Variants in LYRM4 observed in about 807,000 individuals in gnomAD.
The protein encoded by LYRM4 is LYR motif containing 4, also known as LYR motif-containing protein 4.
In LYRM4, 9 loss-of-function variants were observed where a neutral mutation model predicts 11.7. The ratio of observed to expected loss-of-function variants is 0.77; its 90% CI spans 0.46 to 1.34. LYRM4 has a LOEUF of 1.34. Among genes scored for constraint, LYRM4 ranks in the 40% most tolerant of loss-of-function variants. LYRM4 has a pLI of 0.00. For synonymous variants in LYRM4, 42 were observed against 40.4 expected, an observed-to-expected ratio of 1.04 and a Z score of -0.15; for missense variants, 133 against 112.5, an observed-to-expected ratio of 1.18 and a Z score of -0.82.
At chr6:5,118,079 A>AATATAT (rs113661997) in intron 2 of LYRM4, among the ~76,000 whole-genome samples, 1 of 40,362 alleles carries the variant, frequency 2.5e-5, no homozygotes, top group African/African-American at 7.4e-5. Context: ...TCACCAAAAC[A>AATATAT]ATATATATAT....
chr6:5,163,701 C>T (rs1758904733), intron 2 of LYRM4, among the ~76,000 whole-genome samples: 1 of 151,154 alleles, frequency 6.6e-6, no homozygotes, highest in South Asian at 2.1e-4. Context: ...GCAACTTCTG[C>T]CTCCTGGGTT....
At chr6:5,254,920 G>A (rs759808734) in intron 1 of LYRM4, among the ~76,000 whole-genome samples, 2 of 152,012 alleles carry the variant, frequency 1.3e-5, no homozygotes, top group Non-Finnish European at 2.9e-5. Context: ...TCTACTCACG[G>A]CAGCAATTTA....
intron 2 of LYRM4, among the ~76,000 whole-genome samples, chr6:5,178,676 G>A (rs1759865330): frequency 1.3e-5 from 2 of 150,978 alleles, no homozygotes; most frequent in South Asian, 2.1e-4. Context: ...AGCCGGGCCT[G>A]CACCTGTAAT....
At chr6:5,090,039 C>CACACACACCA in the LYRM4 span, among the ~76,000 whole-genome samples, 1 of 136,336 alleles carries the variant, frequency 7.3e-6, no homozygotes, top group East Asian at 2.3e-4. This position sits in a 1 kb window ranked among gnomAD's most constrained non-coding sequence, Gnocchi z 4.8. Flanking sequence ...CACACACACA[C>CACACACACCA]ACCACACACA....
intron 2 of LYRM4, among the ~76,000 whole-genome samples, chr6:5,160,451 G>A (rs1042307035): frequency 2.0e-5 from 3 of 151,862 alleles, no homozygotes; most frequent in Non-Finnish European, 2.9e-5. Flanking sequence ...CATGGGGGCG[G>A]GTCTTTTCCG....
rs933655719 is a variant in LYRM4, at chr6:5,228,692, A to G, written c.87-11954T>C. On this transcript the variant is annotated intron_variant, in intron 1 of 2. Coordinates refer to ENST00000330636, the MANE Select transcript of LYRM4 (RefSeq NM_020408.6). ...AAATATCTTTGTTAATAATACTAGC[A>G]AAGTTTAATAATTAAGAATATTTCC... is the stretch of plus-strand genomic sequence containing the variant. Among the ~76,000 whole-genome samples the G allele has an allele frequency of 2.0e-5, 3 of 152,276 alleles. No homozygotes were observed. The South Asian group carries it at 6.2e-4, about 32-fold the overall frequency.
At chr6:5,059,078 T>C in the LYRM4 span, among the ~76,000 whole-genome samples, 1 of 152,156 alleles carries the variant, frequency 6.6e-6, no homozygotes, top group African/African-American at 2.4e-5. Context: ...TGGTGGCTCA[T>C]GTCTGTAATC....
intron 1 of LYRM4, among the ~76,000 whole-genome samples, chr6:5,230,622 T>C (rs2773292): frequency 0.73 from 111,429 of 152,178 alleles, 41,041 homozygotes; most frequent in East Asian, 0.84. Flanking sequence ...TAACTACCTA[T>C]GGTAGATCAA....
chr6:5,182,897 A>C (rs1760160001), intron 2 of LYRM4, among the ~76,000 whole-genome samples: 2 of 152,222 alleles, frequency 1.3e-5, no homozygotes, highest in South Asian at 4.1e-4. Flanking sequence ...ATTTTATGTT[A>C]TAGAGAATTT....
chr6:5,245,015 T>C (rs192042974), intron 1 of LYRM4, among the ~76,000 whole-genome samples: 1 of 146,262 alleles, frequency 6.8e-6, no homozygotes, highest in East Asian at 2.0e-4. Context: ...TAGCTCTTTG[T>C]TTGCCTACAA....
At chr6:5,150,856 TG>T (rs1758047470) in intron 2 of LYRM4, among the ~76,000 whole-genome samples, 1 of 152,128 alleles carries the variant, frequency 6.6e-6, no homozygotes, top group African/African-American at 2.4e-5. Context: ...TTCCTGAGTT[TG>T]AGTTTGCTAT....
At chr6:5,246,850 C>T (rs942879982) in intron 1 of LYRM4, among the ~76,000 whole-genome samples, 22 of 152,106 alleles carry the variant, frequency 1.4e-4, no homozygotes, top group African/African-American at 4.6e-4. Context: ...GGGCTGGAAA[C>T]AGAGACTTGG....
chr6:5,204,974 C>T (rs898865522), intron 2 of LYRM4, among the ~76,000 whole-genome samples: 7 of 152,166 alleles, frequency 4.6e-5, no homozygotes, highest in East Asian at 1.9e-4. Context: ...TGAGTTTCAG[C>T]GGAACTCCCT....
chr6:5,246,536 A>G (rs1191619811), intron 1 of LYRM4, among the ~76,000 whole-genome samples: 1 of 152,198 alleles, frequency 6.6e-6, no homozygotes, highest in Admixed American at 6.5e-5. Flanking sequence ...GCTGTACTTG[A>G]GAAACCTCAC....
At chr6:5,164,682 T>C (rs1174192017) in intron 2 of LYRM4, among the ~76,000 whole-genome samples, 3 of 152,140 alleles carry the variant, frequency 2.0e-5, no homozygotes, top group Non-Finnish European at 2.9e-5. Flanking sequence ...TAAAAATCCA[T>C]ATTGGCCGGG....
the LYRM4 span, among the ~76,000 whole-genome samples, chr6:5,078,753 G>A: frequency 6.6e-6 from 1 of 152,044 alleles, no homozygotes; most frequent in African/African-American, 2.4e-5. Context: ...GGGGCCTAAG[G>A]TGCTATAGAA....
chr6:5,058,256 T>C, the LYRM4 span, among the ~76,000 whole-genome samples: 1 of 152,142 alleles, frequency 6.6e-6, no homozygotes, highest in African/African-American at 2.4e-5. Context: ...TTTTGTCACA[T>C]GGGGTCATTA....
the LYRM4 span, among the ~76,000 whole-genome samples, chr6:5,072,067 G>A: frequency 3.3e-5 from 5 of 152,148 alleles, no homozygotes; most frequent in Non-Finnish European, 7.4e-5. Context: ...CTATAAGTGA[G>A]AACATGCAGT....
chr6:5,086,072 G>T, the LYRM4 span: 1 of 1,469,206 alleles, frequency 6.8e-7, no homozygotes, highest in Admixed American at 2.4e-5. Flanking sequence ...CCGCCTTCCC[G>T]GCTCCGGCCG....
Sources: gnomAD v4.1 joint callset for allele counts (sites outside exome capture counted in the v4.1 genomes callset) on GRCh38, gnomAD v4.1.1 for gene constraint, Gnocchi (gnomAD v3.1) non-coding constraint, MANE v1.5 for transcripts, NCBI Gene and HGNC (gene_info 2026-07-23, HGNC 2026-07-21) for gene names.